The following TNRC6A variants were observed in gnomAD, a reference collection of about 807,000 sequenced individuals.
The protein encoded by TNRC6A is trinucleotide repeat containing adaptor 6A.
In TNRC6A, 44 loss-of-function variants were observed where a neutral mutation model predicts 221.2. The observed-to-expected ratio is 0.20, with a 90% CI of 0.16 to 0.26. The LOEUF (loss-of-function observed/expected upper bound fraction) is 0.26. TNRC6A is among the 10% of genes least tolerant of loss of function. The pLI, the probability that TNRC6A is intolerant of heterozygous loss-of-function variation, is 1.00. For synonymous variants in TNRC6A, 847 were observed against 838.5 expected (o/e 1.01, Z -0.18); for missense variants, 2,199 against 2,404.4 (o/e 0.91, Z 1.79).
chr16:24,786,181 T>C (rs1234519507), intron 5 of TNRC6A, among the ~76,000 whole-genome samples: 1 of 152,212 alleles, frequency 6.6e-6, no homozygotes, highest in African/African-American at 2.4e-5. Flanking sequence ...AAACATGCTT[T>C]GGAGATAGGA....
chr16:24,826,011 A>G lies in TNRC6A; in HGVS notation c.*2204A>G, dbSNP rs146301282. 3.8e-4 allele frequency: 58 copies of G among 152,750 alleles called. No homozygotes were observed. In the East Asian group the frequency reaches 8.9e-3, roughly 23 times the overall value. 9.5% of individuals were successfully genotyped at this position (152,750 alleles called of 1,614,324 possible). On this transcript the variant is annotated 3_prime_UTR_variant, in exon 25 of 25. Coordinates refer to ENST00000395799, the MANE Select transcript of TNRC6A (RefSeq NM_014494.4). ...AAGCAAATGTTATTCAGTGCGTTCA[A>G]TGTATATTGACTTCCATACTGGTTT...
chr16:24,690,846 C>G (rs1186544947), intron 2 of TNRC6A, among the ~76,000 whole-genome samples: 1 of 146,552 alleles, frequency 6.8e-6, no homozygotes, highest in Non-Finnish European at 1.5e-5. Context: ...CTTGCTCTGT[C>G]GCCCAGGCTG....
chr16:24,713,113 C>A (rs934453705), intron 2 of TNRC6A, among the ~76,000 whole-genome samples: 8 of 152,014 alleles, frequency 5.3e-5, no homozygotes, highest in African/African-American at 1.9e-4. Flanking sequence ...TTTGAAAGTA[C>A]TTTTGCAGGT....
intron 2 of TNRC6A, among the ~76,000 whole-genome samples, chr16:24,690,501 G>T (rs1192326927): frequency 6.6e-6 from 1 of 151,978 alleles, no homozygotes; most frequent in Non-Finnish European, 1.5e-5. Context: ...TAATAAAATA[G>T]CCTTAATATT....
upstream of TNRC6A, among the ~76,000 whole-genome samples, chr16:24,727,529 A>C (rs1567392369): frequency 1.3e-5 from 2 of 152,144 alleles, no homozygotes; most frequent in South Asian, 2.1e-4. Flanking sequence ...CAAAAAGTTC[A>C]TTGCTAAATG....
intron 2 of TNRC6A, among the ~76,000 whole-genome samples, chr16:24,715,098 G>A (rs1253297189): frequency 6.6e-6 from 1 of 151,678 alleles, no homozygotes; most frequent in Non-Finnish European, 1.5e-5. Context: ...GGATGGTCTC[G>A]ATCTCCTGAC....
chr16:24,814,398 CTTTTT>C (rs889327247), intron 18 of TNRC6A, among the ~76,000 whole-genome samples: 1 of 80,286 alleles, frequency 1.2e-5, no homozygotes, highest in Non-Finnish European at 2.6e-5. Context: ...TTTTTCTTTT[CTTTTT>C]TTTTTCTTTT....
chr16:24,787,685 G>A (rs1163827922), intron 5 of TNRC6A, among the ~76,000 whole-genome samples: 3 of 152,128 alleles, frequency 2.0e-5, no homozygotes, highest in Non-Finnish European at 2.9e-5. Context: ...AGTCACTTAT[G>A]GAACTTTGAA....
At chr16:24,809,591 T>C in intron 18 of TNRC6A, 110 bp downstream of exon 18, 1 of 1,285,606 alleles carries the variant, frequency 7.8e-7, no homozygotes, top group Non-Finnish European at 1.0e-6. Flanking sequence ...CAAATTATCT[T>C]AGAACTTTTC....
intron 1 of TNRC6A, among the ~76,000 whole-genome samples, chr16:24,631,578 C>A (rs1443830459): frequency 6.6e-6 from 1 of 152,050 alleles, no homozygotes; most frequent in Non-Finnish European, 1.5e-5. Flanking sequence ...TCGAGACCAG[C>A]CTGGCCAACA....
At chr16:24,683,290 G>A (rs955564679) in intron 2 of TNRC6A, among the ~76,000 whole-genome samples, 10 of 152,088 alleles carry the variant, frequency 6.6e-5, no homozygotes, top group African/African-American at 2.4e-4. Context: ...TCAACCTCCT[G>A]GGCTCAAGCA....
At chr16:24,745,513 G>T (rs761817964) in intron 2 of TNRC6A, among the ~76,000 whole-genome samples, 30 of 152,186 alleles carry the variant, frequency 2.0e-4, no homozygotes, top group Non-Finnish European at 4.1e-4. Flanking sequence ...TTTATTTCTA[G>T]CTTGTAACAT....
rs572537035 is a variant in TNRC6A at position 24,693,600 on chromosome 16, CAAATA to C, written n.402+52600_402+52604del. On this transcript the variant is annotated intron_variant and non_coding_transcript_variant, in intron 2 of 2. Transcript: ENST00000566108. ...GAGACTCCATCTCAAAATACATAAA[CAAATA>C]AAATAAAAAATTATCCAGGCATGGT... is the stretch of plus-strand genomic sequence containing the variant. Among the ~76,000 whole-genome samples the C allele has an allele frequency of 6.1e-3, 920 of 150,730 alleles. 10 individuals are homozygous for C. Among genetic ancestry groups the C allele is most frequent in the Non-Finnish European group, 7.3e-3 (495 of 67,630 alleles).
intron 18 of TNRC6A, among the ~76,000 whole-genome samples, chr16:24,812,174 T>G (rs2058560307): frequency 6.6e-6 from 1 of 151,548 alleles, no homozygotes; most frequent in African/African-American, 2.4e-5. Flanking sequence ...CTCAGCCTCC[T>G]GAGTATAGCT....
At chr16:24,731,386 A>G (rs532287109) in intron 2 of TNRC6A, among the ~76,000 whole-genome samples, 1 of 152,340 alleles carries the variant, frequency 6.6e-6, no homozygotes, top group South Asian at 2.1e-4. Context: ...GAGTTTCATA[A>G]GATACTAATC....
At chr16:24,758,793 A>T (rs1327486548) in intron 4 of TNRC6A, among the ~76,000 whole-genome samples, 1 of 152,032 alleles carries the variant, frequency 6.6e-6, no homozygotes, top group African/African-American at 2.4e-5. Flanking sequence ...ACAGATAGTG[A>T]CATCCATCTC....
At position 24,825,480 on chromosome 16, in the gene TNRC6A, GA is replaced by G. The variant is rs1259956439; in HGVS notation, c.*1675del. The G allele has an allele frequency of 6.6e-6, 1 of 152,600 alleles. No individual in the cohort carries two copies. Among genetic ancestry groups the G allele is most frequent in the Non-Finnish European group, 1.5e-5 (1 of 68,032 alleles). The allele number at this position is 152,600 out of a possible 1,614,324, so 9.5% of individuals were successfully genotyped here. On this transcript the variant is annotated 3_prime_UTR_variant, in exon 25 of 25. Transcript: ENST00000395799. The stretch of plus-strand genomic sequence containing the variant: ...TCAACATTAATTGTCTCCTTTTTGT[GA>G]ATTTATTTGTAGGCTCTTTTTTATA...
At chr16:24,633,629 G>A (rs549453568) in intron 1 of TNRC6A, among the ~76,000 whole-genome samples, 39 of 152,132 alleles carry the variant, frequency 2.6e-4, no homozygotes, top group Non-Finnish European at 4.7e-4. Context: ...TCCTGACCTC[G>A]TGACCCACCC....
At chr16:24,692,601 G>A (rs575740294) in intron 2 of TNRC6A, among the ~76,000 whole-genome samples, 11 of 149,726 alleles carry the variant, frequency 7.3e-5, no homozygotes, top group South Asian at 4.4e-4. Flanking sequence ...TAAAATAGAG[G>A]GGATAAATAA....
Sources: gnomAD v4.1 joint callset for allele counts (sites outside exome capture counted in the v4.1 genomes callset) on GRCh38, gnomAD v4.1.1 for gene constraint, MANE v1.5 for transcripts, NCBI Gene and HGNC (gene_info 2026-07-23, HGNC 2026-07-21) for gene names.